Variants in KCTD16 observed in about 807,000 individuals in gnomAD.
KCTD16 encodes the protein BTB/POZ domain-containing protein KCTD16.
In KCTD16, 13 loss-of-function variants were observed where a neutral mutation model predicts 33.2. The observed-to-expected ratio is 0.39, with a 90% confidence interval of 0.25 to 0.62. The LOEUF is 0.62. Among genes scored for constraint, KCTD16 ranks in the 20% least tolerant of loss-of-function variants. The pLI is 0.50. For missense variants in KCTD16, 441 were observed against 525.1 expected (o/e 0.84, Z 1.57); for synonymous variants, 197 against 195.3 (o/e 1.01, Z -0.07).
chr5:144,473,504 T>C (rs1754524637), intron 3 of KCTD16, among the ~76,000 whole-genome samples, 156 bp from the exon 4 acceptor site: 1 of 152,182 alleles, frequency 6.6e-6, no homozygotes, highest in African/African-American at 2.4e-5. Flanking sequence ...TGGGTGCACC[T>C]GTTGCAGCCC....
chr5:144,323,421 C>T (rs1752125476), intron 3 of KCTD16, among the ~76,000 whole-genome samples: 1 of 152,084 alleles, frequency 6.6e-6, no homozygotes, highest in South Asian at 2.1e-4. Context: ...CCAGGAAAGG[C>T]TGGGAGAACA....
At chr5:144,466,694 C>G (rs931729545) in intron 3 of KCTD16, among the ~76,000 whole-genome samples, 1 of 151,584 alleles carries the variant, frequency 6.6e-6, no homozygotes, top group South Asian at 2.1e-4. Flanking sequence ...TAATTCTCAC[C>G]ACTTGTCAAC....
intron 3 of KCTD16, among the ~76,000 whole-genome samples, chr5:144,344,752 T>G (rs1169053797): frequency 6.6e-6 from 1 of 150,536 alleles, no homozygotes; most frequent in South Asian, 2.1e-4. Flanking sequence ...TTTACACTGT[T>G]GGTGGGACTG....
rs960125414 is a variant in KCTD16, at chr5:144,484,233, T to A, written c.*10119T>A. The A allele has an allele frequency of 1.6e-4, 24 of 151,916 alleles. No individual in the cohort carries two copies. Among genetic ancestry groups the A allele is most frequent in the African/African-American group, 5.8e-4 (24 of 41,412 alleles). 9.4% of individuals were successfully genotyped at this position (151,916 alleles called of 1,614,324 possible). ...TTTAAGGAAATTGATTCATGAATAA[T>A]TGGAAAGGTATTCTAGTTAAGACAC... On this transcript the variant is annotated 3_prime_UTR_variant, in exon 4 of 4. Coordinates refer to ENST00000512467, the MANE Select transcript of KCTD16 (RefSeq NM_020768.4).
At chr5:144,198,883 A>G (rs1354679545) in intron 2 of KCTD16, among the ~76,000 whole-genome samples, 3 of 152,240 alleles carry the variant, frequency 2.0e-5, no homozygotes, top group African/African-American at 4.8e-5. Flanking sequence ...CATCAACAGC[A>G]TAAATGAGTA....
intron 3 of KCTD16, among the ~76,000 whole-genome samples, chr5:144,317,678 G>C (rs1458126220): frequency 6.6e-6 from 1 of 152,088 alleles, no homozygotes; most frequent in Non-Finnish European, 1.5e-5. Flanking sequence ...ATCCTACTAA[G>C]AAAATCCCTT....
chr5:144,355,334 T>C (rs1751547652), intron 3 of KCTD16, among the ~76,000 whole-genome samples: 1 of 152,220 alleles, frequency 6.6e-6, no homozygotes, highest in Admixed American at 6.5e-5. Context: ...TTTATCTTCT[T>C]GCTTTTAAGT....
At chr5:144,336,890 T>A (rs1187119495) in intron 3 of KCTD16, among the ~76,000 whole-genome samples, 1 of 152,002 alleles carries the variant, frequency 6.6e-6, no homozygotes, top group African/African-American at 2.4e-5. Context: ...GTTGCTGAGA[T>A]CCCGGTAATT....
Position 144,474,466 on chromosome 5 carries a change from A to C in KCTD16, c.*352A>C. On this transcript the variant is annotated 3_prime_UTR_variant, in exon 4 of 4. Coordinates refer to ENST00000512467, the MANE Select transcript of KCTD16 (RefSeq NM_020768.4). ...ACTGGGTTTTTTCTCTCATCCTTCT[A>C]CCTCCCTCCTTTGAATGAGGGTATG... 1 of 187,734 alleles carries C rather than the reference A, an allele frequency of 5.3e-6. No homozygotes were observed. Among genetic ancestry groups the C allele is most frequent in the Non-Finnish European group, 1.1e-5 (1 of 90,502 alleles). The allele number at this position is 187,734 out of a possible 1,614,324, so 11.6% of individuals were successfully genotyped here.
In KCTD16 at chr5:144,240,911, T is replaced by C. The variant is rs575503752; in HGVS notation, c.832+33365T>C. ...ACAATGTATGGTTTTGAAACATCCT[T>C]CAATGCTCTTAGATTGTTTAGGCTG... is the stretch of plus-strand genomic sequence containing the variant. On this transcript the variant is annotated intron_variant, in intron 3 of 3. Coordinates refer to ENST00000512467, the MANE Select transcript of KCTD16 (RefSeq NM_020768.4). Among the ~76,000 whole-genome samples the C allele has an allele frequency of 3.9e-5, 6 of 152,236 alleles. No individual in the cohort carries two copies. In the South Asian group the frequency reaches 1.2e-3, roughly 32 times the overall value.
At chr5:144,230,277 G>T (rs1754063209) in intron 3 of KCTD16, among the ~76,000 whole-genome samples, 1 of 152,174 alleles carries the variant, frequency 6.6e-6, no homozygotes, top group South Asian at 2.1e-4. Flanking sequence ...CAGTATAAAA[G>T]TGTTTGAGTA....
chr5:144,203,902 C>T (rs1753101150), intron 2 of KCTD16, among the ~76,000 whole-genome samples: 1 of 152,186 alleles, frequency 6.6e-6, no homozygotes. Flanking sequence ...TTGCCAGATA[C>T]AGAGCTGCAC....
chr5:144,254,547 C>A (rs1754794183), intron 3 of KCTD16, among the ~76,000 whole-genome samples: 1 of 151,996 alleles, frequency 6.6e-6, no homozygotes, highest in Non-Finnish European at 1.5e-5. Flanking sequence ...TGAGATCTGC[C>A]CTCTTAACAA....
chr5:144,438,729 A>G (rs770375205), intron 3 of KCTD16, among the ~76,000 whole-genome samples: 6 of 152,188 alleles, frequency 3.9e-5, no homozygotes, highest in Non-Finnish European at 8.8e-5. Context: ...GTTGCTAAGG[A>G]AAGTATGTTT....
At chr5:144,202,111 C>T (rs755531014) in intron 2 of KCTD16, among the ~76,000 whole-genome samples, 1 of 152,178 alleles carries the variant, frequency 6.6e-6, no homozygotes, top group Non-Finnish European at 1.5e-5. Flanking sequence ...TTGAATATTA[C>T]AAAGAACAGG....
chr5:144,464,073 C>G (rs908064755), intron 3 of KCTD16, among the ~76,000 whole-genome samples: 1 of 152,124 alleles, frequency 6.6e-6, no homozygotes, highest in African/African-American at 2.4e-5. Context: ...CTTTCCATTT[C>G]GTGAAAAGTG....
At chr5:144,261,050 G>A (rs1252445036) in intron 3 of KCTD16, among the ~76,000 whole-genome samples, 2 of 151,322 alleles carry the variant, frequency 1.3e-5, no homozygotes, top group African/African-American at 4.9e-5. Context: ...ACCCCAATTG[G>A]GTCCCAATTA....
intron 3 of KCTD16, among the ~76,000 whole-genome samples, chr5:144,445,018 A>G (rs1265002625): frequency 1.3e-5 from 2 of 150,698 alleles, no homozygotes; most frequent in East Asian, 3.9e-4. Context: ...TATATATTTG[A>G]CAATTAAATT....
At chr5:144,341,582 A>C (rs917372179) in intron 3 of KCTD16, among the ~76,000 whole-genome samples, 1 of 152,228 alleles carries the variant, frequency 6.6e-6, no homozygotes, top group African/African-American at 2.4e-5. Context: ...ATTATAAACA[A>C]AAACCACCTT....
Sources: allele counts gnomAD v4.1 joint callset (sites outside exome capture counted in the v4.1 genomes callset), GRCh38; gene constraint gnomAD v4.1.1; transcripts MANE v1.5; gene names NCBI Gene and HGNC (gene_info 2026-07-23, HGNC 2026-07-21).